Variants in GTPBP10 observed in about 807,000 individuals in gnomAD.
GTPBP10 encodes GTP-binding protein 10.
In GTPBP10, 38 loss-of-function variants were observed where a neutral mutation model predicts 44.8. That is an observed-to-expected ratio of 0.85 (90% CI 0.65 to 1.11). GTPBP10 has a LOEUF of 1.11. GTPBP10 is among the 50% of genes most tolerant of loss of function. The pLI, the probability that GTPBP10 is intolerant of heterozygous loss-of-function variation, is 0.00. For missense variants in GTPBP10, 462 were observed against 453.7 expected (o/e 1.02, Z -0.17); for synonymous variants, 152 against 150.6 (o/e 1.01, Z -0.07).
rs1796561115 is a variant in GTPBP10, at chr7:90,388,358, T to C, written c.*3204T>C. 1 of 152,214 alleles carries C rather than the reference T, an allele frequency of 6.6e-6. No individual in the cohort carries two copies. The highest frequency in any genetic ancestry group is 1.5e-5 in the Non-Finnish European group (1 of 68,032). The allele number at this position is 152,214 out of a possible 1,614,324, so 9.4% of individuals were successfully genotyped here. On this transcript the variant is annotated 3_prime_UTR_variant, in exon 10 of 10. Transcript: ENST00000222511. ...TTTTTTGAAACACTTATTATGTTAC[T>C]GAATAACCAGAGTATTAAATTCAAT...
At position 90,371,010 on chromosome 7, in the gene GTPBP10, GATAAATAAATAA is replaced by G. The variant is rs10525850; in HGVS notation, c.465-1117_465-1106del. 2.7e-3 allele frequency among the ~76,000 whole-genome samples: 394 copies of G among 145,070 alleles called. 3 individuals carry two copies. Among genetic ancestry groups the G allele is most frequent in the East Asian group, 0.026 (128 of 4,944 alleles). ...AACAGAGCGAGACTCCATCTCAATA[GATAAATAAATAA>G]ATAAATAAATAAATAAATAAATAAA... is the stretch of plus-strand genomic sequence containing the variant. On this transcript the variant is annotated intron_variant, in intron 4 of 9. Transcript: ENST00000222511.
chr7:90,372,557 A>G (rs1796279818), intron 5 of GTPBP10, among the ~76,000 whole-genome samples: 2 of 143,870 alleles, frequency 1.4e-5, no homozygotes. Flanking sequence ...GGCTCAAGTG[A>G]TCTCCCACCT....
Position 90,354,409 on chromosome 7 carries a change from TATATATAC to T in GTPBP10, c.228-47_228-40del, listed in dbSNP as rs773270193. 15 of 851,610 alleles carry T rather than the reference TATATATAC, an allele frequency of 1.8e-5. No individual in the cohort carries two copies. The South Asian group carries it at 2.9e-4, about 16-fold the overall frequency. The allele number at this position is 851,610 out of a possible 1,614,324, so 52.8% of individuals were successfully genotyped here. A position where few individuals can be genotyped will look rare whatever the true frequency, so the allele number is the denominator to read the frequency against. ...CATTTTGTGTGTATGTGTGTGTGTG[TATATATAC>T]ACACACACATACATACATATATATA... On this transcript the variant is annotated intron_variant, in intron 2 of 9. Coordinates refer to ENST00000222511, the MANE Select transcript of GTPBP10 (RefSeq NM_033107.4).
intron 4 of GTPBP10, among the ~76,000 whole-genome samples, chr7:90,369,667 T>G (rs1439363617): frequency 2.6e-5 from 4 of 152,122 alleles, no homozygotes; most frequent in African/African-American, 9.7e-5. Context: ...TTGCAAAGAC[T>G]TGGGGAAAAG....
Position 90,386,275 on chromosome 7 carries a change from G to T in GTPBP10, c.*1121G>T, listed in dbSNP as rs960072561. The T allele has an allele frequency of 6.6e-6, 1 of 152,074 alleles. No homozygotes were observed. Among genetic ancestry groups the T allele is most frequent in the African/African-American group, 2.4e-5 (1 of 41,388 alleles). The allele number at this position is 152,074 out of a possible 1,614,324, so 9.4% of individuals were successfully genotyped here. A position where few individuals can be genotyped will look rare whatever the true frequency, so the allele number is the denominator to read the frequency against. On this transcript the variant is annotated 3_prime_UTR_variant, in exon 10 of 10. Coordinates refer to ENST00000222511, the MANE Select transcript of GTPBP10 (RefSeq NM_033107.4). ...ACCTGGTTGCACTAAATATATAATA[G>T]TTATCTTTTGTGGAGACCTTAAAAC...
rs532981517 is a variant in GTPBP10, at chr7:90,356,007, A to G, written c.464+777A>G. Reference sequence around the variant, plus strand: ...CTCTGGCCCTATCACAGTATTACACAGTTATTCAGATGGAAAGCTTAAGGA... The same window carrying G: ...CTCTGGCCCTATCACAGTATTACACGGTTATTCAGATGGAAAGCTTAAGGA... On this transcript the variant is annotated intron_variant, in intron 4 of 9. Transcript: ENST00000222511. Among the ~76,000 whole-genome samples the G allele has an allele frequency of 7.0e-5, 10 of 142,788 alleles. No homozygotes were observed. In the South Asian group the frequency reaches 2.2e-3, roughly 31 times the overall value. The allele number at this position is 142,788 out of a possible 152,430, so 93.7% of individuals were successfully genotyped here. A position where few individuals can be genotyped will look rare whatever the true frequency, so the allele number is the denominator to read the frequency against.
At chr7:90,358,118 A>G (rs930473673) in intron 4 of GTPBP10, among the ~76,000 whole-genome samples, 6 of 152,184 alleles carry the variant, frequency 3.9e-5, no homozygotes, top group Non-Finnish European at 7.4e-5. Context: ...ACACAAATCA[A>G]TAGCACTGCT....
At chr7:90,379,653 C>T (rs1451559087) in intron 8 of GTPBP10, among the ~76,000 whole-genome samples, 2 of 152,166 alleles carry the variant, frequency 1.3e-5, no homozygotes, top group Non-Finnish European at 2.9e-5. Flanking sequence ...TTTGTATAGA[C>T]ATGTTTTCAT....
chr7:90,378,270 A>G lies in GTPBP10; in HGVS notation c.777+59A>G. On this transcript the variant is annotated intron_variant, in intron 8 of 9. Transcript: ENST00000222511. Reference sequence around the variant, plus strand: ...GTCTAATACATAGGAATGTAAGACTATATGAAATAACATAATTACAGTCTA... The same window carrying G: ...GTCTAATACATAGGAATGTAAGACTGTATGAAATAACATAATTACAGTCTA... The G allele has an allele frequency of 2.6e-6, 4 of 1,522,748 alleles. No homozygotes were observed. In the South Asian group the frequency reaches 4.8e-5, roughly 18 times the overall value. The allele number at this position is 1,522,748 out of a possible 1,614,324, so 94.3% of individuals were successfully genotyped here.
rs17869457 is a variant in GTPBP10, at chr7:90,391,248, T to A, written c.*6094T>A. On this transcript the variant is annotated 3_prime_UTR_variant, in exon 10 of 10. Coordinates refer to ENST00000222511, the MANE Select transcript of GTPBP10 (RefSeq NM_033107.4). ...AGTGTGTATTTCAGAACTTTTCCATTTAATATTTTTGGACCACAGTTGACT... is the reference window on the plus strand; with the variant it reads ...AGTGTGTATTTCAGAACTTTTCCATATAATATTTTTGGACCACAGTTGACT... The A allele has an allele frequency of 1.7e-4, 26 of 149,938 alleles. No individual in the cohort carries two copies. The highest frequency in any genetic ancestry group is 6.2e-4 in the African/African-American group (25 of 40,318). The allele number at this position is 149,938 out of a possible 1,614,324, so 9.3% of individuals were successfully genotyped here. A position where few individuals can be genotyped will look rare whatever the true frequency, so the allele number is the denominator to read the frequency against.
At chr7:90,354,222 A>G (rs1186060081) in intron 2 of GTPBP10, among the ~76,000 whole-genome samples, 1 of 152,258 alleles carries the variant, frequency 6.6e-6, no homozygotes, top group Non-Finnish European at 1.5e-5. Flanking sequence ...TTTGGTGGTT[A>G]GCTTAGTAAC....
At chr7:90,376,513 T>C (rs1170662947) in intron 6 of GTPBP10, among the ~76,000 whole-genome samples, 1 of 152,210 alleles carries the variant, frequency 6.6e-6, no homozygotes, top group Non-Finnish European at 1.5e-5. Context: ...AATGAACTTC[T>C]AGATGATAGA....
In GTPBP10 at chr7:90,387,605, T is replaced by C. The variant is rs1275267937; in HGVS notation, c.*2451T>C. The C allele has an allele frequency of 6.6e-6, 1 of 152,206 alleles. No homozygotes were observed. The highest frequency in any genetic ancestry group is 6.5e-5 in the Admixed American group (1 of 15,280). The allele number at this position is 152,206 out of a possible 1,614,324, so 9.4% of individuals were successfully genotyped here. A position where few individuals can be genotyped will look rare whatever the true frequency, so the allele number is the denominator to read the frequency against. ...CTCTCATTCCAGTCCCCAAACTGGC[T>C]TTTCTTTTATTTCTTTTTTCTTCAT... On this transcript the variant is annotated 3_prime_UTR_variant, in exon 10 of 10. Transcript: ENST00000222511.
In GTPBP10 at chr7:90,383,145, T is replaced by C. The variant is rs893953126; in HGVS notation, c.901+66T>C. On this transcript the variant is annotated intron_variant, in intron 9 of 9. Transcript: ENST00000222511. ...TTACAATGTACAGAGAATGCTGTTA[T>C]AATCAGTGGAAAACTGACAGTTTCT... 13 of 1,209,734 alleles carry C rather than the reference T, an allele frequency of 1.1e-5. No homozygotes were observed. The African/African-American group carries it at 1.7e-4, about 16-fold the overall frequency. 74.9% of individuals were successfully genotyped at this position (1,209,734 alleles called of 1,614,324 possible).
At chr7:90,368,337 G>A (rs1207399322) in intron 4 of GTPBP10, among the ~76,000 whole-genome samples, 3 of 152,166 alleles carry the variant, frequency 2.0e-5, no homozygotes, top group African/African-American at 7.2e-5. Context: ...GTCTTTGCTA[G>A]GTTGGGGAAG....
intron 4 of GTPBP10, among the ~76,000 whole-genome samples, chr7:90,371,816 A>G (rs1796262843): frequency 6.6e-6 from 1 of 152,110 alleles, no homozygotes; most frequent in South Asian, 2.1e-4. Context: ...AAAACAAGGT[A>G]ATGTTTTGTC....
Position 90,356,694 on chromosome 7 carries a change from A to AT in GTPBP10, c.464+1467dup, listed in dbSNP as rs1795907989. Among the ~76,000 whole-genome samples, 8 of 151,298 alleles carry AT rather than the reference A, an allele frequency of 5.3e-5. 1 individual carries two copies. The highest frequency in any genetic ancestry group is 1.7e-4 in the African/African-American group (7 of 41,184). ...ATAGTTTTTTGCTTTTCACCACGTC[A>AT]TTTGTTTTCTCATCTTTAATAGTGT... On this transcript the variant is annotated intron_variant, in intron 4 of 9. Coordinates refer to ENST00000222511, the MANE Select transcript of GTPBP10 (RefSeq NM_033107.4).
Position 90,385,288 on chromosome 7 carries a change from CTG to C in GTPBP10, c.*137_*138del, listed in dbSNP as rs1469429949. The C allele has an allele frequency of 5.9e-5, 36 of 614,764 alleles. No individual in the cohort carries two copies. The East Asian group carries it at 1.0e-3, about 18-fold the overall frequency. 38.1% of individuals were successfully genotyped at this position (614,764 alleles called of 1,614,324 possible). On this transcript the variant is annotated 3_prime_UTR_variant, in exon 10 of 10. Transcript: ENST00000222511. ...GAAAGACAAATGCTGCATAATCTCA[CTG>C]TGGAATCTTAAGTTGAACTCATAGA...
rs548383299 is a variant in GTPBP10 at position 90,359,249 on chromosome 7, A to G, written c.464+4019A>G. Among the ~76,000 whole-genome samples, 14 of 151,924 alleles carry G rather than the reference A, an allele frequency of 9.2e-5. No homozygotes were observed. In the South Asian group the frequency reaches 2.5e-3, roughly 27 times the overall value. Reference sequence around the variant, plus strand: ...CCATGTCGGTTTGCTGCACCCATCAACTCGTCATTTACATTAGGCATATCT... The same window carrying G: ...CCATGTCGGTTTGCTGCACCCATCAGCTCGTCATTTACATTAGGCATATCT... On this transcript the variant is annotated intron_variant, in intron 4 of 9. Coordinates refer to ENST00000222511, the MANE Select transcript of GTPBP10 (RefSeq NM_033107.4).
Sources: gnomAD v4.1 joint callset for allele counts (sites outside exome capture counted in the v4.1 genomes callset) on GRCh38, gnomAD v4.1.1 for gene constraint, MANE v1.5 for transcripts, NCBI Gene and HGNC (gene_info 2026-07-23, HGNC 2026-07-21) for gene names.